The following NLRC4 variants were observed in gnomAD, a reference collection of about 807,000 sequenced individuals.
NLRC4 encodes NLR family CARD domain containing 4, also known as NLR family CARD domain-containing protein 4.
In NLRC4, 63 loss-of-function variants were observed where a neutral mutation model predicts 79.9. The ratio of observed to expected loss-of-function variants is 0.79; its 90% CI spans 0.64 to 0.97. The LOEUF is 0.97. Ranked by LOEUF, NLRC4 falls within the 50% of genes least tolerant of loss-of-function variation. The pLI is 0.00. For synonymous variants in NLRC4, 461 were observed against 456.5 expected, an observed-to-expected ratio of 1.01 and a Z score of -0.12; for missense variants, 1,074 against 1,215.2, an observed-to-expected ratio of 0.88 and a Z score of 1.73.
intron 8 of NLRC4, among the ~76,000 whole-genome samples, chr2:32,233,320 A>AATATATATATAT (rs1257781417): frequency 3.7e-4 from 25 of 67,222 alleles, no homozygotes; most frequent in Admixed American, 7.7e-4. Flanking sequence ...AGAAATTTTA[A>AATATATATATAT]ATATATATAT....
At chr2:32,226,737 A>G (rs1202037474) in intron 8 of NLRC4, among the ~76,000 whole-genome samples, 1 of 152,140 alleles carries the variant, frequency 6.6e-6, no homozygotes, top group Admixed American at 6.5e-5. Flanking sequence ...AGAATTAGCC[A>G]GGCGTGGTGG....
At position 32,250,079 on chromosome 2, in the gene NLRC4, T is replaced by C. The variant is rs771644462; in HGVS notation, c.1785A>G (p.Leu595=). ...YINSGNIPDY[L]FDFFEHLPNC... Reference sequence around the variant, plus strand: ...TGGGCAAATGTTCAAAGAAGTCAAATAAGTAATCGGGGATGTTCCCTGAGT... The same window carrying C: ...TGGGCAAATGTTCAAAGAAGTCAAACAAGTAATCGGGGATGTTCCCTGAGT... Residue 595 remains leucine, a synonymous_variant, in exon 4 of 9, where the codon TTA becomes TTG. Transcript: ENST00000402280. The surrounding 1 kb of genome is among the most constrained non-coding windows in gnomAD (Gnocchi z 4.9). The C allele has an allele frequency of 6.2e-7, 1 of 1,614,056 alleles. No individual in the cohort carries two copies. The highest frequency in any genetic ancestry group is 1.3e-5 in the African/African-American group (1 of 74,926).
chr2:32,226,651 C>T (rs140841871), intron 8 of NLRC4, among the ~76,000 whole-genome samples: 4,309 of 152,200 alleles, frequency 0.028, 100 homozygotes, highest in Non-Finnish European at 0.045. Flanking sequence ...GAGGCCAAGG[C>T]GGGCAGATCA....
chr2:32,249,775 A>C lies in NLRC4; in HGVS notation c.2089T>G (p.Cys697Gly), dbSNP rs1573491986. 1.2e-6 allele frequency: 2 copies of C among 1,614,228 alleles called. No homozygotes were observed. Among genetic ancestry groups the C allele is most frequent in the Non-Finnish European group, 8.5e-7 (1 of 1,180,038 alleles). ...CTGAGGCTTCCAGCCACACCAGCAC[A>C]TCTCTTTATTTGCAGCCTGAGGCTT... ...ATSLRLQIKR[C>G]AGVAGSLSLV... The change falls in exon 4 of 9, where the codon TGT (cysteine) becomes GGT (glycine). Residue 697 changes from cysteine to glycine, a missense_variant. Physicochemically the swap from Cys to Gly is radical, Grantham distance 159. Transcript: ENST00000402280.
chr2:32,243,528 G>A (rs576473692), intron 4 of NLRC4, among the ~76,000 whole-genome samples: 13 of 151,886 alleles, frequency 8.6e-5, no homozygotes, highest in Admixed American at 6.6e-4. Flanking sequence ...TACGGCAGGC[G>A]TGGTGGCTCA....
chr2:32,256,148 AT>A (rs1191142831), intron 2 of NLRC4, among the ~76,000 whole-genome samples: 4 of 152,100 alleles, frequency 2.6e-5, no homozygotes, highest in African/African-American at 9.7e-5. Flanking sequence ...AATGCTGCTC[AT>A]TTATTCATTA....
chr2:32,240,679 T>C (rs956730434), intron 5 of NLRC4, among the ~76,000 whole-genome samples: 1 of 152,204 alleles, frequency 6.6e-6, no homozygotes, highest in African/African-American at 2.4e-5. Context: ...TATGAAACCA[T>C]AGTATAAACT....
At chr2:32,248,262 C>G (rs1326330824) in intron 4 of NLRC4, among the ~76,000 whole-genome samples, 2 of 152,190 alleles carry the variant, frequency 1.3e-5, no homozygotes, top group Non-Finnish European at 2.9e-5. Context: ...CCCCCACCAA[C>G]TGAATGCATC....
chr2:32,236,644 C>A lies in NLRC4; in HGVS notation c.2522-305G>T, dbSNP rs1272916289. Among the ~76,000 whole-genome samples the A allele has an allele frequency of 2.0e-5, 3 of 152,242 alleles. No individual in the cohort carries two copies. In the East Asian group the frequency reaches 5.8e-4, roughly 29 times the overall value. The stretch of plus-strand genomic sequence containing the variant: ...TGTCATCATGGAAAAATCACTTGGT[C>A]TCTCTAAGCCTCAATGTCTTCCTCT... On this transcript the variant is annotated intron_variant, in intron 6 of 8. Coordinates refer to ENST00000402280, the MANE Select transcript of NLRC4 (RefSeq NM_001199138.2).
chr2:32,225,690 T>C, intron 8 of NLRC4, among the ~76,000 whole-genome samples: 1 of 152,174 alleles, frequency 6.6e-6, no homozygotes, highest in Admixed American at 6.5e-5. Flanking sequence ...ATGACTAAGT[T>C]CACCTTGAAG....
intron 4 of NLRC4, among the ~76,000 whole-genome samples, chr2:32,247,440 G>A (rs1686964331): frequency 1.3e-5 from 2 of 150,154 alleles, no homozygotes; most frequent in South Asian, 2.1e-4. Context: ...TCAGCCTCCC[G>A]AGTAGCTGGG....
At chr2:32,256,267 A>G (rs1687206368) in intron 2 of NLRC4, among the ~76,000 whole-genome samples, 1 of 152,170 alleles carries the variant, frequency 6.6e-6, no homozygotes, top group Non-Finnish European at 1.5e-5. Flanking sequence ...TATGGTAGTC[A>G]TTAGCCACAT....
chr2:32,260,458 C>A (rs1376141616), intron 1 of NLRC4, among the ~76,000 whole-genome samples: 2 of 152,078 alleles, frequency 1.3e-5, no homozygotes, highest in African/African-American at 4.8e-5. Flanking sequence ...ATGCTCACAG[C>A]CATGGCAAGT....
At chr2:32,244,753 G>A (rs1203763375) in intron 4 of NLRC4, among the ~76,000 whole-genome samples, 1 of 151,896 alleles carries the variant, frequency 6.6e-6, no homozygotes, top group African/African-American at 2.4e-5. Flanking sequence ...CTGATGGGGA[G>A]GATCACTTGA....
At chr2:32,238,109 C>T (rs1458688078) in intron 6 of NLRC4, 23 bp downstream of exon 6, 27 of 1,590,118 alleles carry the variant, frequency 1.7e-5, no homozygotes, top group Non-Finnish European at 2.3e-5. Context: ...TGTCCTCATT[C>T]AGTTAATGGA....
At chr2:32,236,154 TG>T (rs925391292) in intron 7 of NLRC4, 92 bp downstream of exon 7, 2 of 714,628 alleles carry the variant, frequency 2.8e-6, no homozygotes, top group African/African-American at 3.6e-5. Flanking sequence ...AAGGCACACA[TG>T]GGTATAAAAG....
At chr2:32,243,643 T>C (rs1363727523) in intron 4 of NLRC4, among the ~76,000 whole-genome samples, 1 of 148,358 alleles carries the variant, frequency 6.7e-6, no homozygotes, top group African/African-American at 2.5e-5. Flanking sequence ...CTACTAAAAA[T>C]ACAAAAATTA....
In NLRC4 at chr2:32,241,005, G is replaced by T. The variant is rs756735304; in HGVS notation, c.2350+28C>A. 7.4e-6 allele frequency: 10 copies of T among 1,355,524 alleles called. No homozygotes were observed. The Admixed American group carries it at 8.5e-5, about 11-fold the overall frequency. 84.0% of individuals were successfully genotyped at this position (1,355,524 alleles called of 1,614,324 possible). On this transcript the variant is annotated intron_variant, in intron 5 of 8. Transcript: ENST00000402280. Reference sequence around the variant, plus strand: ...CTCCTCTTATTATCAAACTTACATTGATACAAATATGAGAACAGAAATCTG... The same window carrying T: ...CTCCTCTTATTATCAAACTTACATTTATACAAATATGAGAACAGAAATCTG...
chr2:32,232,182 C>T (rs1040365000), intron 8 of NLRC4, among the ~76,000 whole-genome samples: 2 of 152,114 alleles, frequency 1.3e-5, no homozygotes, highest in African/African-American at 4.8e-5. Context: ...TTAATGTTGA[C>T]CTTGTTCACC....
Sources: gnomAD v4.1 joint callset for allele counts (sites outside exome capture counted in the v4.1 genomes callset) on GRCh38, gnomAD v4.1.1 for gene constraint, Gnocchi (gnomAD v3.1) non-coding constraint, MANE v1.5 for transcripts, NCBI Gene and HGNC (gene_info 2026-07-23, HGNC 2026-07-21) for gene names.